Variants in SORCS3 observed in about 807,000 individuals in gnomAD.
SORCS3 encodes the protein VPS10 domain-containing receptor SorCS3.
In SORCS3, 57 loss-of-function variants were observed where a neutral mutation model predicts 146.3. The observed-to-expected ratio is 0.39, with a 90% CI of 0.31 to 0.49. SORCS3 has a LOEUF of 0.49. SORCS3 is among the 20% of genes least tolerant of loss of function. The probability of loss-of-function intolerance (pLI) is 0.92; values close to 1 mark genes in which losing one functional copy is unlikely to be tolerated. For missense variants in SORCS3, 1,341 were observed against 1,575.5 expected, an observed-to-expected ratio of 0.85 and a Z score of 2.52; for synonymous variants, 653 against 618.5, an observed-to-expected ratio of 1.06 and a Z score of -0.83.
intron 1 of SORCS3, among the ~76,000 whole-genome samples, chr10:104,837,571 G>T (rs1191772183): frequency 6.6e-6 from 1 of 152,206 alleles, no homozygotes; most frequent in Admixed American, 6.5e-5. Flanking sequence ...AAGCTTATTT[G>T]GTAAACCTGG....
At chr10:105,246,269 C>A (rs2056865686) in intron 21 of SORCS3, among the ~76,000 whole-genome samples, 1 of 152,172 alleles carries the variant, frequency 6.6e-6, no homozygotes, top group African/African-American at 2.4e-5. Flanking sequence ...TTTCACACAA[C>A]CTCTCCCAGG....
Position 104,721,896 on chromosome 10 carries a change from C to T in SORCS3, c.627+79942C>T, listed in dbSNP as rs544009479. 3.3e-5 allele frequency among the ~76,000 whole-genome samples: 5 copies of T among 152,310 alleles called. No individual in the cohort carries two copies. The South Asian group carries it at 1.0e-3, about 32-fold the overall frequency. On this transcript the variant is annotated intron_variant, in intron 1 of 26. Coordinates refer to ENST00000369701, the MANE Select transcript of SORCS3 (RefSeq NM_014978.3). ...TTTTGGGCTGAGATGATGGGGTTTT[C>T]TAGACATACAGTCATGTCATCTGCA... is the stretch of plus-strand genomic sequence containing the variant.
intron 5 of SORCS3, among the ~76,000 whole-genome samples, chr10:105,083,932 C>T (rs1158210695): frequency 2.0e-5 from 3 of 152,194 alleles, no homozygotes; most frequent in Admixed American, 1.3e-4. Flanking sequence ...CCATTCTTTT[C>T]GCCAGCTAGG....
At chr10:104,912,088 G>A (rs745503286) in intron 2 of SORCS3, among the ~76,000 whole-genome samples, 4 of 152,070 alleles carry the variant, frequency 2.6e-5, no homozygotes, top group Non-Finnish European at 5.9e-5. Context: ...AAATCCCATT[G>A]CAGTAGTCTC....
chr10:104,945,549 G>A (rs2019361775), intron 3 of SORCS3, among the ~76,000 whole-genome samples: 2 of 148,912 alleles, frequency 1.3e-5, no homozygotes, highest in Non-Finnish European at 3.0e-5. Flanking sequence ...GTGAACCACT[G>A]TGCCCAGCCT....
intron 6 of SORCS3, among the ~76,000 whole-genome samples, chr10:105,090,393 G>A (rs2055693786): frequency 2.6e-5 from 4 of 152,104 alleles, no homozygotes; most frequent in Admixed American, 2.6e-4. Flanking sequence ...GAAATTTCAG[G>A]ATTTTAAACA....
chr10:104,668,430 G>T (rs1270576769), intron 1 of SORCS3, among the ~76,000 whole-genome samples: 1 of 152,192 alleles, frequency 6.6e-6, no homozygotes, highest in African/African-American at 2.4e-5. Flanking sequence ...AGAGAGACAA[G>T]AGTTTGATCC....
chr10:104,740,522 C>T (rs1232881595), intron 1 of SORCS3, among the ~76,000 whole-genome samples: 1 of 152,164 alleles, frequency 6.6e-6, no homozygotes, highest in Non-Finnish European at 1.5e-5. Context: ...TTGTCCTTCA[C>T]AGCACATATT....
chr10:105,214,700 C>G, intron 18 of SORCS3, 87 bp downstream of exon 18: 1 of 1,270,416 alleles, frequency 7.9e-7, no homozygotes, highest in Non-Finnish European at 1.1e-6. Flanking sequence ...TTCCCACAGA[C>G]CCCTGCACCA....
chr10:104,844,876 A>G (rs2018185835), intron 2 of SORCS3, among the ~76,000 whole-genome samples: 1 of 152,204 alleles, frequency 6.6e-6, no homozygotes, highest in Non-Finnish European at 1.5e-5. Context: ...AGAATCTTTT[A>G]TCAAATAAGG....
intron 14 of SORCS3, among the ~76,000 whole-genome samples, chr10:105,189,008 C>T (rs1022062572): frequency 2.0e-5 from 3 of 152,172 alleles, no homozygotes; most frequent in Non-Finnish European, 2.9e-5. Flanking sequence ...TCCAGTGTGT[C>T]AATAGGGAGA....
intron 1 of SORCS3, among the ~76,000 whole-genome samples, chr10:104,778,696 A>G (rs140740483): frequency 1.3e-5 from 2 of 152,336 alleles, no homozygotes; most frequent in African/African-American, 4.8e-5. Flanking sequence ...GCACCGTGTT[A>G]AATGCTTTTA....
intron 1 of SORCS3, among the ~76,000 whole-genome samples, chr10:104,653,651 A>T (rs937219920): frequency 4.6e-5 from 7 of 152,212 alleles, no homozygotes; most frequent in Admixed American, 1.3e-4. Context: ...TGCTTTAAAA[A>T]TTTTTAATTT....
chr10:104,975,917 G>GA lies in SORCS3; in HGVS notation c.796-1418_796-1417insA, dbSNP rs2054894307. 2.0e-5 allele frequency among the ~76,000 whole-genome samples: 3 copies of GA among 152,198 alleles called. No individual in the cohort carries two copies. The South Asian group carries it at 6.2e-4, about 32-fold the overall frequency. ...CCTTATACAAAAATTAATTCAAGATGGATTAAAGACTTAAACATTAGACCT... is the reference window on the plus strand; with the variant it reads ...CCTTATACAAAAATTAATTCAAGATGAGATTAAAGACTTAAACATTAGACCT... On this transcript the variant is annotated intron_variant, in intron 3 of 26. Transcript: ENST00000369701.
At chr10:105,205,101 A>G (rs969581) in intron 16 of SORCS3, among the ~76,000 whole-genome samples, 51,360 of 151,956 alleles carry the variant, frequency 0.34, 8,810 homozygotes, top group South Asian at 0.48. Flanking sequence ...AATCAGGGCA[A>G]GTTCATTTGA....
At chr10:105,004,734 G>A (rs554880492) in intron 4 of SORCS3, among the ~76,000 whole-genome samples, 29 of 150,762 alleles carry the variant, frequency 1.9e-4, no homozygotes, top group African/African-American at 6.8e-4. Context: ...ACTTTGGGGT[G>A]AGGGCAAATG....
chr10:104,643,738 G>GTGTT (rs2015458009), intron 1 of SORCS3, among the ~76,000 whole-genome samples: 1 of 151,774 alleles, frequency 6.6e-6, no homozygotes, highest in Non-Finnish European at 1.5e-5. Flanking sequence ...GTGTGTGTGT[G>GTGTT]TGTGTGTTGG....
Position 105,089,778 on chromosome 10 carries a change from G to T in SORCS3, c.1032G>T (p.Ser344=). ...TGTCTCTCCCTTCCTTTCCCAGGTC[G>T]GTGGCCGGATTGGATAAGGAGGCGG... ...ERITPNRFYW[S]VAGLDKEADL... is the part of the protein sequence containing the mutation. Residue 344 remains serine (S), a synonymous_variant, in exon 6 of 27, where the codon TCG becomes TCT. Coordinates refer to ENST00000369701, the MANE Select transcript of SORCS3 (RefSeq NM_014978.3). 8 of 1,613,892 alleles carry T rather than the reference G, an allele frequency of 5.0e-6. No individual in the cohort carries two copies. Among genetic ancestry groups the T allele is most frequent in the Non-Finnish European group, 6.8e-6 (8 of 1,179,846 alleles).
chr10:104,735,084 A>T (rs560148237), intron 1 of SORCS3, among the ~76,000 whole-genome samples: 4 of 152,176 alleles, frequency 2.6e-5, no homozygotes, highest in Non-Finnish European at 5.9e-5. Flanking sequence ...GTGTAAATTC[A>T]AGAGTCAGTA....
Sources: allele counts gnomAD v4.1 joint callset (sites outside exome capture counted in the v4.1 genomes callset), GRCh38; gene constraint gnomAD v4.1.1; transcripts MANE v1.5; gene names NCBI Gene and HGNC (gene_info 2026-07-23, HGNC 2026-07-21).